SIN3B: variants seen among roughly 807,000 people sequenced by gnomAD.
The protein encoded by SIN3B is SIN3 transcription regulator family member B.
In SIN3B, 19 loss-of-function variants were observed where a neutral mutation model predicts 120.2. That is an observed-to-expected ratio of 0.16 (90% CI 0.11 to 0.23). The LOEUF is 0.23. SIN3B is among the 10% of genes least tolerant of loss of function. The pLI, the probability that SIN3B is intolerant of heterozygous loss-of-function variation, is 1.00. For missense variants in SIN3B, 1,073 were observed against 1,573.0 expected, an observed-to-expected ratio of 0.68 and a Z score of 5.38; for synonymous variants, 654 against 653.2, an observed-to-expected ratio of 1.00 and a Z score of -0.02.
intron 6 of SIN3B, among the ~76,000 whole-genome samples, chr19:16,851,735 G>C (rs546200455): frequency 6.6e-6 from 1 of 152,376 alleles, no homozygotes; most frequent in East Asian, 1.9e-4. Flanking sequence ...TGTCCTGTGA[G>C]ATTGTTTTGA....
Position 16,878,879 on chromosome 19 carries a change from C to G in SIN3B, c.*152C>G, listed in dbSNP as rs537919060. On this transcript the variant is annotated 3_prime_UTR_variant, in exon 19 of 19. Transcript: ENST00000248054. ...GCACTCCAGGGCAGGACGCCGCCCC[C>G]GTGGCTCCCGGTCTCCTGTGGGCCT... 2 of 719,632 alleles carry G rather than the reference C, an allele frequency of 2.8e-6. No individual in the cohort carries two copies. Among genetic ancestry groups the G allele is most frequent in the African/African-American group, 3.6e-5 (2 of 56,004 alleles). The allele number at this position is 719,632 out of a possible 1,614,324, so 44.6% of individuals were successfully genotyped here. A position where few individuals can be genotyped will look rare whatever the true frequency, so the allele number is the denominator to read the frequency against.
At chr19:16,849,272 A>G (rs1413465798) in intron 5 of SIN3B, among the ~76,000 whole-genome samples, 1 of 152,244 alleles carries the variant, frequency 6.6e-6, no homozygotes, top group Non-Finnish European at 1.5e-5. Context: ...AGGGCCAGAT[A>G]GTAAGTATCA....
rs755109081 is a variant in SIN3B at position 16,841,776 on chromosome 19, G to A, written c.390G>A (p.Ser130=). 2.5e-6 allele frequency: 4 copies of A among 1,613,578 alleles called. No homozygotes were observed. The highest frequency in any genetic ancestry group is 1.3e-5 in the African/African-American group (1 of 74,854). The change falls in exon 4 of 19, where the codon TCG becomes TCA. Residue 130 remains serine (S), a synonymous_variant. Coordinates refer to ENST00000248054, the MANE Select transcript of SIN3B (RefSeq NM_001297595.2). ...CATTGTCGCCTTGTCAGGAGAATTC[G>A]CACAACCACGGGGACGGTGCAGAGG... The part of the protein sequence containing the change: ...IQSPLTSQEN[S]HNHGDGAEDF...
intron 3 of SIN3B, among the ~76,000 whole-genome samples, chr19:16,838,072 A>G (rs1179142094): frequency 2.0e-5 from 3 of 152,074 alleles, no homozygotes; most frequent in Non-Finnish European, 4.4e-5. Flanking sequence ...AGAAAAAGAA[A>G]ACTGGGCTTG....
intron 10 of SIN3B, 102 bp downstream of exon 10, chr19:16,863,898 G>T (rs1971724407): frequency 2.4e-6 from 2 of 819,904 alleles, no homozygotes; most frequent in African/African-American, 3.4e-5. Context: ...CTCGTTTGGA[G>T]GAGCAGGAAT....
Position 16,878,726 on chromosome 19 carries a change from G to C in SIN3B, c.3392G>C (p.Ter1131SerextTer65). ...VQYSRRPASP* is the reference protein window; with the variant it reads ...VQYSRRPASPS ...TACAGCCGCCGCCCGGCCTCGCCCT[G>C]ACCCGCCCTCATGGGCACCGGGCAG... The change falls in exon 19 of 19, where the codon TGA (stop) becomes TCA (serine). Residue 1131 changes from the stop codon to serine, a stop_lost. Coordinates refer to ENST00000248054, the MANE Select transcript of SIN3B (RefSeq NM_001297595.2). The C allele has an allele frequency of 6.3e-7, 1 of 1,595,332 alleles. No individual in the cohort carries two copies. Among genetic ancestry groups the C allele is most frequent in the Admixed American group, 1.7e-5 (1 of 58,278 alleles).
chr19:16,846,673 CT>C (rs1971483213), intron 4 of SIN3B, among the ~76,000 whole-genome samples: 1 of 152,208 alleles, frequency 6.6e-6, no homozygotes, highest in Admixed American at 6.5e-5. Flanking sequence ...GGGTTCGCCC[CT>C]GACCTTGTAC....
At chr19:16,870,142 C>A in intron 13 of SIN3B, 67 bp downstream of exon 13, 1 of 1,354,004 alleles carries the variant, frequency 7.4e-7, no homozygotes, top group South Asian at 1.5e-5. Context: ...AGCTCATGAT[C>A]TGACATGTCC....
intron 5 of SIN3B, among the ~76,000 whole-genome samples, chr19:16,849,697 C>T (rs1004576206): frequency 6.6e-6 from 1 of 152,218 alleles, no homozygotes; most frequent in African/African-American, 2.4e-5. Flanking sequence ...TGGCTGGACG[C>T]ATGGCGGGTT....
At chr19:16,831,883 A>G in intron 3 of SIN3B, among the ~76,000 whole-genome samples, 1 of 152,218 alleles carries the variant, frequency 6.6e-6, no homozygotes, top group East Asian at 1.9e-4. Context: ...AGTGGATGTC[A>G]GGGAGGTATC....
intron 3 of SIN3B, among the ~76,000 whole-genome samples, chr19:16,832,583 C>T (rs1971293916): frequency 1.3e-5 from 2 of 151,484 alleles, no homozygotes; most frequent in African/African-American, 4.9e-5. Context: ...TCACTGCAGC[C>T]TCAACCTCCT....
chr19:16,871,329 C>T lies in SIN3B; in HGVS notation c.2523C>T (p.Arg841=), dbSNP rs61734888. ...CCACGCAGTACGAGGACACCCTACG[C>T]GAGATGTTCACCATCCATGCCTACG... ...IDPTQYEDTL[R]EMFTIHAYVG... is the part of the protein sequence containing the mutation. The change falls in exon 14 of 19, where the codon CGC becomes CGT. Residue 841 remains arginine (R), a synonymous_variant. Coordinates refer to ENST00000248054, the MANE Select transcript of SIN3B (RefSeq NM_001297595.2). The T allele has an allele frequency of 1.6e-3, 2,521 of 1,613,942 alleles. 5 individuals carry two copies. The highest frequency in any genetic ancestry group is 1.8e-3 in the Non-Finnish European group (2,173 of 1,179,924).
At position 16,862,944 on chromosome 19, in the gene SIN3B, A is replaced by G. The variant is rs1971709528; in HGVS notation, c.1266+385A>G. 6.2e-7 allele frequency: 1 copy of G among 1,614,136 alleles called. No homozygotes were observed. Among genetic ancestry groups the G allele is most frequent in the African/African-American group, 1.3e-5 (1 of 74,948 alleles). On this transcript the variant is annotated intron_variant, in intron 9 of 18. Transcript: ENST00000248054. The surrounding 1 kb of genome is among the most constrained non-coding windows in gnomAD (Gnocchi z 4.7). Reference sequence around the variant, plus strand: ...AGACGATTACTGCATGTCCAAGTTCAAGAATACCTGCTGGATTCCAGGATA... The same window carrying G: ...AGACGATTACTGCATGTCCAAGTTCGAGAATACCTGCTGGATTCCAGGATA...
chr19:16,857,807 A>G (rs1247365230), intron 8 of SIN3B, among the ~76,000 whole-genome samples: 2 of 152,122 alleles, frequency 1.3e-5, no homozygotes, highest in African/African-American at 4.8e-5. Context: ...CGCCAAATAC[A>G]TGACTCAGTC....
rs368592390 is a variant in SIN3B, at chr19:16,866,364, C to T, written c.1623-9C>T. 18 of 1,608,404 alleles carry T rather than the reference C, an allele frequency of 1.1e-5. No individual in the cohort carries two copies. Among genetic ancestry groups the T allele is most frequent in the Non-Finnish European group, 1.4e-5 (17 of 1,177,134 alleles). ...TTGTCCCTGGTGCTGACCTCTCTTC[C>T]CCCCGCAGACTGAAGGCCAAGGAAG... On this transcript the variant is annotated splice_polypyrimidine_tract_variant and intron_variant, in intron 11 of 18. Coordinates refer to ENST00000248054, the MANE Select transcript of SIN3B (RefSeq NM_001297595.2).
Position 16,876,064 on chromosome 19 carries a change from C to A in SIN3B, c.2602C>A (p.Leu868Ile), listed in dbSNP as rs868862486. The A allele has an allele frequency of 6.4e-7, 1 of 1,560,312 alleles. No homozygotes were observed. Among genetic ancestry groups the A allele is most frequent in the East Asian group, 2.4e-5 (1 of 42,224 alleles). Residue 868 changes from leucine (L) to isoleucine (I), a missense_variant, in exon 15 of 19, where the codon CTC becomes ATC. Around this residue, in one of 7 missense-constraint regions of SIN3B, gnomAD observed 311 missense variants for 400.3 expected, o/e 0.78. Coordinates refer to ENST00000248054, the MANE Select transcript of SIN3B (RefSeq NM_001297595.2). The surrounding 1 kb of genome is among the most constrained non-coding windows in gnomAD (Gnocchi z 7.1). ...VQNIARQLHH[L>I]VSDDVCLKVV... Reference sequence around the variant, plus strand: ...GCTTTCCTCCCGCCAGCTGCACCACCTCGTGAGCGATGACGTCTGCCTGAA... The same window carrying A: ...GCTTTCCTCCCGCCAGCTGCACCACATCGTGAGCGATGACGTCTGCCTGAA...
At chr19:16,877,993 T>A (rs1030698693) in intron 17 of SIN3B, among the ~76,000 whole-genome samples, 190 bp from the exon 18 acceptor site, 19 of 152,246 alleles carry the variant, frequency 1.2e-4, no homozygotes, top group Admixed American at 3.9e-4. Context: ...ATGGCACCTA[T>A]GGGACCAGTG....
chr19:16,850,784 TA>T (rs1599597914), intron 5 of SIN3B, among the ~76,000 whole-genome samples: 1 of 152,172 alleles, frequency 6.6e-6, no homozygotes, highest in Non-Finnish European at 1.5e-5. Flanking sequence ...CAGTTCTTTG[TA>T]AATGTCATTG....
intron 1 of SIN3B, 93 bp from the exon 2 acceptor site, chr19:16,829,698 A>AAGCCC: frequency 7.4e-7 from 1 of 1,350,398 alleles, no homozygotes. Context: ...GGCCCTCCGA[A>AAGCCC]AGCCCAGCCC....
Sources: gnomAD v4.1 joint callset for allele counts (sites outside exome capture counted in the v4.1 genomes callset) on GRCh38, gnomAD v4.1.1 for gene constraint, gnomAD v4.1.1 regional missense constraint, Gnocchi (gnomAD v3.1) non-coding constraint, MANE v1.5 for transcripts, NCBI Gene and HGNC (gene_info 2026-07-23, HGNC 2026-07-21) for gene names.